GLI3: variants seen among roughly 807,000 people sequenced by gnomAD.
GLI3 encodes GLI family zinc finger 3.
In GLI3, 20 loss-of-function variants were observed where a neutral mutation model predicts 100.8. The observed-to-expected ratio is 0.20, with a 90% CI of 0.14 to 0.29. The LOEUF is 0.29. Ranked by LOEUF, GLI3 falls within the 10% of genes least tolerant of loss-of-function variation. The pLI, the probability that GLI3 is intolerant of heterozygous loss-of-function variation, is 1.00. For synonymous variants in GLI3, 938 were observed against 860.5 expected, an observed-to-expected ratio of 1.09 and a Z score of -1.58; for missense variants, 2,040 against 2,128.5, an observed-to-expected ratio of 0.96 and a Z score of 0.82.
At chr7:42,223,030 A>G in intron 2 of GLI3, 100 bp downstream of exon 2, 1 of 1,412,368 alleles carries the variant, frequency 7.1e-7, no homozygotes, top group Non-Finnish European at 9.9e-7. Flanking sequence ...CGTCTCCTAG[A>G]ACAAACACTG....
chr7:42,120,699 T>C (rs181162293), intron 3 of GLI3, among the ~76,000 whole-genome samples: 2 of 152,308 alleles, frequency 1.3e-5, no homozygotes, highest in Admixed American at 1.3e-4. Flanking sequence ...AAATTAGACA[T>C]ATACTCTGAA....
At chr7:41,979,774 G>T (rs1229987198) in intron 10 of GLI3, among the ~76,000 whole-genome samples, 1 of 152,136 alleles carries the variant, frequency 6.6e-6, no homozygotes, top group Non-Finnish European at 1.5e-5. Context: ...ACTTTCTGAA[G>T]TATACATAGA....
chr7:42,200,387 G>C (rs555898795), intron 2 of GLI3, among the ~76,000 whole-genome samples: 3 of 152,328 alleles, frequency 2.0e-5, no homozygotes, highest in South Asian at 2.1e-4. Context: ...ATGAAGGAAA[G>C]AGACTTTGAG....
intron 3 of GLI3, among the ~76,000 whole-genome samples, chr7:42,115,179 C>G (rs1389869444): frequency 7.8e-6 from 1 of 128,966 alleles, no homozygotes; most frequent in Non-Finnish European, 1.6e-5. Flanking sequence ...CGCTCTGTCT[C>G]CCAGGTTGGA....
At chr7:42,192,524 G>C (rs913610300) in intron 2 of GLI3, among the ~76,000 whole-genome samples, 3 of 152,160 alleles carry the variant, frequency 2.0e-5, no homozygotes, top group Non-Finnish European at 4.4e-5. Context: ...AATTATATTT[G>C]ACATCTACTC....
At chr7:42,058,654 G>A (rs1419457324) in intron 4 of GLI3, among the ~76,000 whole-genome samples, 2 of 152,142 alleles carry the variant, frequency 1.3e-5, no homozygotes, top group Non-Finnish European at 2.9e-5. Context: ...CTTTGGAGGG[G>A]GCAGGGGCTA....
chr7:42,106,319 C>T (rs1785573927), intron 3 of GLI3, among the ~76,000 whole-genome samples: 1 of 152,238 alleles, frequency 6.6e-6, no homozygotes, highest in Non-Finnish European at 1.5e-5. Flanking sequence ...ACTGTGCTGT[C>T]CCCAGCCTAA....
At chr7:42,105,819 C>T (rs1490612684) in intron 3 of GLI3, among the ~76,000 whole-genome samples, 1 of 152,058 alleles carries the variant, frequency 6.6e-6, no homozygotes, top group Non-Finnish European at 1.5e-5. Flanking sequence ...AGCAAAGAGG[C>T]AGCTCTGTCT....
intron 3 of GLI3, among the ~76,000 whole-genome samples, chr7:42,088,488 T>C (rs764911749): frequency 6.6e-6 from 1 of 152,140 alleles, no homozygotes; most frequent in Non-Finnish European, 1.5e-5. Flanking sequence ...AATTTCAGAC[T>C]ATCTCTGACC....
chr7:41,988,878 C>T (rs1037497686), intron 10 of GLI3, among the ~76,000 whole-genome samples: 1 of 152,190 alleles, frequency 6.6e-6, no homozygotes, highest in African/African-American at 2.4e-5. Context: ...TAAGAGGCTT[C>T]TCTTACCATC....
chr7:42,242,383 T>A (rs760880892), upstream of GLI3, among the ~76,000 whole-genome samples: 2 of 152,166 alleles, frequency 1.3e-5, no homozygotes, highest in Non-Finnish European at 2.9e-5. Context: ...ACCTTTGCCC[T>A]AAACAATCCA....
At chr7:42,239,903 CA>C (rs1181821870), upstream of GLI3, among the ~76,000 whole-genome samples, 2 of 152,214 alleles carry the variant, frequency 1.3e-5, no homozygotes, top group Admixed American at 6.5e-5. Context: ...TGTCATAATG[CA>C]GTGACTTTCT....
intron 10 of GLI3, among the ~76,000 whole-genome samples, chr7:41,991,377 A>G (rs1257688439): frequency 1.3e-5 from 2 of 152,180 alleles, no homozygotes; most frequent in Non-Finnish European, 2.9e-5. Flanking sequence ...TTCAACCTGT[A>G]GAAGTATCAA....
intron 10 of GLI3, among the ~76,000 whole-genome samples, chr7:42,007,123 C>A (rs1360969326): frequency 6.6e-6 from 1 of 150,470 alleles, no homozygotes; most frequent in East Asian, 2.0e-4. Context: ...AAATGAAGGG[C>A]CAGTTGACCA....
intron 8 of GLI3, 29 bp downstream of exon 8, chr7:42,026,170 G>C (rs751800246): frequency 5.2e-6 from 8 of 1,544,152 alleles, no homozygotes; most frequent in African/African-American, 4.1e-5. Context: ...TGACCAGCAC[G>C]GCCGGGTGCA....
At chr7:42,238,369 C>A (rs1351319829), upstream of GLI3, among the ~76,000 whole-genome samples, 1 of 152,142 alleles carries the variant, frequency 6.6e-6, no homozygotes, top group Admixed American at 6.5e-5. Flanking sequence ...ATCCTTGGCT[C>A]CCCATCTCCT....
Position 42,246,805 on chromosome 7 carries a change from C to CTTTTTTTTTTTTTTTTTTTTTTTTTTT in GLI3, c.-43+17162_-43+17188dup, listed in dbSNP as rs71006467. On this transcript the variant is annotated intron_variant, in intron 1 of 2. Transcript: ENST00000678978. ...TTAAAGGCTCATTGGATGATAGAAT[C>CTTTTTTTTTTTTTTTTTTTTTTTTTTT]TTTTTTTTTTTTTTTTTTTTTTTTT... is the stretch of plus-strand genomic sequence containing the variant. Among the ~76,000 whole-genome samples, 5 of 94,996 alleles carry CTTTTTTTTTTTTTTTTTTTTTTTTTTT rather than the reference C, an allele frequency of 5.3e-5. 1 individual carries two copies. The highest frequency in any genetic ancestry group is 8.1e-5 in the Non-Finnish European group (4 of 49,226). The allele number at this position is 94,996 out of a possible 152,430, so 62.3% of individuals were successfully genotyped here.
rs377088127 is a variant in GLI3, at chr7:41,972,303, T to C, written c.2103+34A>G. On this transcript the variant is annotated intron_variant, in intron 13 of 14. Transcript: ENST00000395925. This position sits in a 1 kb window ranked among gnomAD's most constrained non-coding sequence, Gnocchi z 4.4. The stretch of plus-strand genomic sequence containing the variant: ...CCTACCTGGCTCTTTTAAATGGGCC[T>C]GCTGTGAAGTCAGAAGGAGAGTGAA... 18 of 1,602,586 alleles carry C rather than the reference T, an allele frequency of 1.1e-5. No homozygotes were observed. The highest frequency in any genetic ancestry group is 1.5e-5 in the Non-Finnish European group (17 of 1,170,348).
chr7:42,203,093 T>C (rs964879259), intron 2 of GLI3, among the ~76,000 whole-genome samples: 10 of 152,220 alleles, frequency 6.6e-5, no homozygotes, highest in African/African-American at 2.4e-4. Context: ...TATTTGTTTG[T>C]TTACTTATTT....
Sources: allele counts gnomAD v4.1 joint callset (sites outside exome capture counted in the v4.1 genomes callset), GRCh38; gene constraint gnomAD v4.1.1; non-coding constraint Gnocchi (gnomAD v3.1); transcripts MANE v1.5; gene names NCBI Gene and HGNC (gene_info 2026-07-23, HGNC 2026-07-21).